The following CDON variants were observed in gnomAD, a reference collection of about 807,000 sequenced individuals.
The protein encoded by CDON is cell adhesion molecule-related/down-regulated by oncogenes.
A neutral mutation model predicts 120.9 loss-of-function variants in CDON; 73 were observed. The observed-to-expected ratio is 0.60, with a 90% confidence interval of 0.50 to 0.73. The LOEUF is 0.73. Ranked by LOEUF, CDON falls within the 30% of genes least tolerant of loss-of-function variation. The probability of loss-of-function intolerance (pLI) is 0.00; values close to 1 mark genes in which losing one functional copy is unlikely to be tolerated. For missense variants in CDON, 1,470 were observed against 1,587.3 expected (o/e 0.93, Z 1.26); for synonymous variants, 566 against 573.5 (o/e 0.99, Z 0.19).
At chr11:126,023,717 GA>G (rs1288834673) in intron 1 of CDON, among the ~76,000 whole-genome samples, 180 bp from the exon 2 acceptor site, 2 of 152,296 alleles carry the variant, frequency 1.3e-5, no homozygotes, top group East Asian at 3.9e-4. Context: ...ACTAGAGCTA[GA>G]AGTTTTGCTC....
At chr11:126,003,030 C>T (rs985026688) in intron 10 of CDON, among the ~76,000 whole-genome samples, 3 of 152,054 alleles carry the variant, frequency 2.0e-5, no homozygotes, top group East Asian at 1.9e-4. Flanking sequence ...CGATGTCGAC[C>T]GCTCATTGAG....
intron 1 of CDON, among the ~76,000 whole-genome samples, chr11:126,027,938 T>C (rs1006836608): frequency 1.3e-5 from 2 of 151,106 alleles, no homozygotes; most frequent in African/African-American, 4.9e-5. Flanking sequence ...TCATGTCAGA[T>C]AGAATAGAAT....
chr11:126,036,984 C>G (rs56228737), intron 1 of CDON, among the ~76,000 whole-genome samples: 10,790 of 152,218 alleles, frequency 0.071, 538 homozygotes, highest in Non-Finnish European at 0.12. Context: ...GCCACCATAC[C>G]CAGCCTACAA....
At position 126,010,693 on chromosome 11, in the gene CDON, G is replaced by C. The variant is rs148411384; in HGVS notation, c.1200C>G (p.Asp400Glu). 6.2e-7 allele frequency: 1 copy of C among 1,612,370 alleles called. No homozygotes were observed. The highest frequency in any genetic ancestry group is 1.1e-5 in the South Asian group (1 of 90,954). Residue 400 changes from aspartate to glutamate, a missense_variant and splice_region_variant, in exon 8 of 20, where the codon GAC becomes GAG. Physicochemically the swap from Asp to Glu is conservative, Grantham distance 45 (BLOSUM62 2). Coordinates refer to ENST00000531738, the MANE Select transcript of CDON (RefSeq NM_001378964.1). ...HSTGRLEIEN[D>E]GGFKPVIITA... ...TAATTATAACTGGCTTGAATCCACC[G>C]TCTATTAAAAAAGTAATTCACATAT... is the stretch of plus-strand genomic sequence containing the variant.
rs1947632534 is a variant in CDON, at chr11:126,021,438, T to C, written c.159A>G (p.Gln53=). 1 of 1,614,096 alleles carries C rather than the reference T, an allele frequency of 6.2e-7. No individual in the cohort carries two copies. Among genetic ancestry groups the C allele is most frequent in the Non-Finnish European group, 8.5e-7 (1 of 1,179,994 alleles). ...GGPVVLHCSA[Q]PVTTRISWLH... ...GCCATGAGATACGAGTGGTCACAGG[T>C]TGAGCAGAACAATGCAGTACTACAG... Residue 53 remains glutamine (Q), a synonymous_variant, in exon 3 of 20, where the codon CAA becomes CAG. Coordinates refer to ENST00000531738, the MANE Select transcript of CDON (RefSeq NM_001378964.1).
chr11:125,961,609 A>G (rs1469554311), intron 19 of CDON, 115 bp downstream of exon 19: 2 of 1,437,962 alleles, frequency 1.4e-6, no homozygotes, highest in African/African-American at 1.4e-5. Context: ...CAGTCTCCCA[A>G]GAAATATGTA....
intron 15 of CDON, among the ~76,000 whole-genome samples, chr11:125,987,676 A>G (rs1366015553): frequency 6.6e-6 from 1 of 152,198 alleles, no homozygotes; most frequent in African/African-American, 2.4e-5. Flanking sequence ...TAACAGTTAT[A>G]ATGTTTTATG....
chr11:126,007,468 G>C (rs567735354), intron 8 of CDON, among the ~76,000 whole-genome samples: 1 of 152,292 alleles, frequency 6.6e-6, no homozygotes, highest in East Asian at 1.9e-4. Flanking sequence ...TGATGTTCAG[G>C]GTGTGATCTG....
At chr11:126,041,634 AT>A (rs529638190) in intron 1 of CDON, among the ~76,000 whole-genome samples, 28 of 152,248 alleles carry the variant, frequency 1.8e-4, no homozygotes, top group Non-Finnish European at 3.1e-4. Flanking sequence ...TTTTAAGTAG[AT>A]TTTAACAGTA....
chr11:125,968,530 A>C (rs1444778851), intron 18 of CDON, among the ~76,000 whole-genome samples: 5 of 152,242 alleles, frequency 3.3e-5, no homozygotes, highest in African/African-American at 9.6e-5. Flanking sequence ...TATGAAATAC[A>C]CACACTTCTT....
intron 9 of CDON, among the ~76,000 whole-genome samples, chr11:126,005,209 C>T (rs956880149): frequency 6.6e-6 from 1 of 151,480 alleles, no homozygotes; most frequent in South Asian, 2.1e-4. Context: ...GGCTAAGGCA[C>T]GAGAACTGCT....
chr11:125,966,274 G>A (rs1213433541), intron 18 of CDON, among the ~76,000 whole-genome samples: 1 of 152,130 alleles, frequency 6.6e-6, no homozygotes, highest in Admixed American at 6.5e-5. Context: ...TAGATGACAA[G>A]AATTTTAACA....
chr11:125,984,558 G>A (rs529286399), intron 15 of CDON, among the ~76,000 whole-genome samples: 6 of 152,268 alleles, frequency 3.9e-5, no homozygotes, highest in East Asian at 3.9e-4. Flanking sequence ...TTAGCTGGGC[G>A]TGGCGGTGGG....
rs1196337704 is a variant in CDON, at chr11:125,959,675, C to G, written c.*1267G>C. ...TCCAAAGTAAGTCTTTTCTGACACT[C>G]ACCCCTGCAGGCCGTTGCCTATGCT... is the stretch of plus-strand genomic sequence containing the variant. On this transcript the variant is annotated 3_prime_UTR_variant, in exon 20 of 20. Coordinates refer to ENST00000531738, the MANE Select transcript of CDON (RefSeq NM_001378964.1). 1.3e-5 allele frequency: 2 copies of G among 152,140 alleles called. No homozygotes were observed. The highest frequency in any genetic ancestry group is 3.9e-4 in the East Asian group (2 of 5,184). 9.4% of individuals were successfully genotyped at this position (152,140 alleles called of 1,614,324 possible).
At chr11:126,023,647 C>G in intron 1 of CDON, 110 bp from the exon 2 acceptor site, 1 of 663,752 alleles carries the variant, frequency 1.5e-6, no homozygotes, top group South Asian at 1.6e-5. Flanking sequence ...GTGTAGAGTA[C>G]GTCAAATACC....
intron 18 of CDON, among the ~76,000 whole-genome samples, chr11:125,975,475 C>A (rs989916968): frequency 6.6e-6 from 1 of 152,040 alleles, no homozygotes; most frequent in Non-Finnish European, 1.5e-5. Flanking sequence ...AACTACTAAA[C>A]CTTCACATTC....
chr11:126,004,498 T>C (rs573136686), intron 9 of CDON: 4 of 194,504 alleles, frequency 2.1e-5, no homozygotes, highest in South Asian at 9.3e-5. Context: ...TATTATGTTA[T>C]ATGTATATGA....
chr11:125,984,760 C>T (rs911970458), intron 15 of CDON, among the ~76,000 whole-genome samples: 3 of 151,266 alleles, frequency 2.0e-5, no homozygotes, highest in Non-Finnish European at 2.9e-5. Flanking sequence ...CTGTCAGATA[C>T]ACTTTGAGCT....
chr11:125,983,376 T>C (rs1418790011), intron 16 of CDON, among the ~76,000 whole-genome samples: 1 of 152,202 alleles, frequency 6.6e-6, no homozygotes, highest in East Asian at 1.9e-4. Flanking sequence ...GACGCCATGC[T>C]GGAGCAGTCT....
Sources: allele counts gnomAD v4.1 joint callset (sites outside exome capture counted in the v4.1 genomes callset), GRCh38; gene constraint gnomAD v4.1.1; transcripts MANE v1.5; gene names NCBI Gene and HGNC (gene_info 2026-07-23, HGNC 2026-07-21).